The following GUCY1A2 variants were observed in gnomAD, a reference collection of about 807,000 sequenced individuals.
GUCY1A2 encodes the protein guanylate cyclase soluble subunit alpha-2.
Under a neutral mutation model 63.5 loss-of-function variants are expected in GUCY1A2, and 27 were observed. The ratio of observed to expected loss-of-function variants is 0.43; its 90% CI spans 0.31 to 0.59. The LOEUF is 0.59. GUCY1A2 is among the 20% of genes least tolerant of loss of function. The pLI is 0.11. For missense variants in GUCY1A2, 768 were observed against 913.3 expected (o/e 0.84, Z 2.05); for synonymous variants, 364 against 343.5 (o/e 1.06, Z -0.66).
At chr11:106,966,941 C>T (rs555262189) in intron 3 of GUCY1A2, among the ~76,000 whole-genome samples, 2 of 151,332 alleles carry the variant, frequency 1.3e-5, no homozygotes, top group African/African-American at 4.8e-5. Flanking sequence ...GTTATAGAAA[C>T]AAACCAAAAA....
chr11:106,791,458 C>G (rs1864658489), intron 5 of GUCY1A2, among the ~76,000 whole-genome samples: 1 of 138,310 alleles, frequency 7.2e-6, no homozygotes, highest in Admixed American at 7.6e-5. Context: ...TCACCTGATT[C>G]TGGTTCTTAT....
At chr11:106,742,092 T>G (rs78025898) in intron 6 of GUCY1A2, among the ~76,000 whole-genome samples, 1 of 152,250 alleles carries the variant, frequency 6.6e-6, no homozygotes, top group Non-Finnish European at 1.5e-5. Context: ...TGCCATTTTA[T>G]TCACAGTTCA....
Position 106,888,444 on chromosome 11 carries a change from G to A in GUCY1A2, c.1206+51016C>T, listed in dbSNP as rs187045331. Among the ~76,000 whole-genome samples the A allele has an allele frequency of 1.3e-3, 202 of 152,082 alleles. 1 individual carries two copies. The highest frequency in any genetic ancestry group is 4.6e-3 in the African/African-American group (189 of 41,508). Reference sequence around the variant, plus strand: ...CACTCCACTGCACTCCAGCCTGGGCGACAAAGCAAGATGCCATCTCAAAAA... The same window carrying A: ...CACTCCACTGCACTCCAGCCTGGGCAACAAAGCAAGATGCCATCTCAAAAA... On this transcript the variant is annotated intron_variant, in intron 4 of 7. Transcript: ENST00000526355.
intron 4 of GUCY1A2, among the ~76,000 whole-genome samples, chr11:106,909,421 T>C (rs1860262290): frequency 7.8e-6 from 1 of 128,232 alleles, no homozygotes; most frequent in Admixed American, 8.3e-5. Context: ...CTTTTTCATA[T>C]GTGTAGGTTT....
chr11:106,761,049 A>C (rs931669113), intron 6 of GUCY1A2, among the ~76,000 whole-genome samples: 2 of 152,158 alleles, frequency 1.3e-5, no homozygotes, highest in African/African-American at 4.8e-5. Context: ...ACACTTTCCA[A>C]ATTATACTTC....
chr11:106,936,671 C>A, intron 4 of GUCY1A2: 2 of 1,532,244 alleles, frequency 1.3e-6, no homozygotes, highest in Middle Eastern at 1.7e-4. Flanking sequence ...TGAATCCTGC[C>A]ACTGATAACT....
chr11:106,709,318 T>C (rs1193195033), intron 6 of GUCY1A2, among the ~76,000 whole-genome samples: 2 of 63,308 alleles, frequency 3.2e-5, no homozygotes, highest in African/African-American at 2.3e-4. Context: ...TATATATATT[T>C]ATATATATTA....
chr11:106,857,285 G>A (rs191956620), intron 4 of GUCY1A2, among the ~76,000 whole-genome samples: 116 of 152,184 alleles, frequency 7.6e-4, no homozygotes, highest in East Asian at 1.7e-3. Flanking sequence ...CTGTATCCTC[G>A]CATGACAGAA....
chr11:106,740,379 G>A (rs531098957), intron 6 of GUCY1A2, among the ~76,000 whole-genome samples: 35 of 152,158 alleles, frequency 2.3e-4, no homozygotes, highest in African/African-American at 8.4e-4. Flanking sequence ...CTGGTAAGAA[G>A]CTTAAAATAT....
chr11:106,839,054 A>G (rs953375297), intron 4 of GUCY1A2, among the ~76,000 whole-genome samples: 7 of 151,910 alleles, frequency 4.6e-5, no homozygotes, highest in Admixed American at 3.9e-4. Flanking sequence ...CCTTGCCCAT[A>G]CCTATGTCCT....
At chr11:107,016,462 T>G (rs932536037) in intron 1 of GUCY1A2, among the ~76,000 whole-genome samples, 2 of 152,174 alleles carry the variant, frequency 1.3e-5, no homozygotes, top group African/African-American at 4.8e-5. Context: ...AAGCCAAGGG[T>G]AGCTGAAATG....
intron 4 of GUCY1A2, among the ~76,000 whole-genome samples, chr11:106,889,130 G>T (rs1334878605): frequency 6.6e-6 from 1 of 152,048 alleles, no homozygotes; most frequent in Non-Finnish European, 1.5e-5. Context: ...ATGCCTCCAG[G>T]TTTCCACTTT....
intron 7 of GUCY1A2, among the ~76,000 whole-genome samples, chr11:106,689,664 A>G (rs1862587647): frequency 6.6e-6 from 1 of 152,156 alleles, no homozygotes; most frequent in Non-Finnish European, 1.5e-5. Flanking sequence ...CCACAATAAG[A>G]TACCATTTAA....
chr11:106,830,650 T>C (rs61902968), intron 4 of GUCY1A2, among the ~76,000 whole-genome samples: 3,491 of 152,336 alleles, frequency 0.023, 65 homozygotes, highest in Middle Eastern at 0.068. Context: ...TTCTTCAGCT[T>C]TGGGACTCAG....
At chr11:106,917,927 A>G (rs1860390007) in intron 4 of GUCY1A2, among the ~76,000 whole-genome samples, 1 of 142,606 alleles carries the variant, frequency 7.0e-6, no homozygotes, top group Non-Finnish European at 1.6e-5. Flanking sequence ...CAGGTACCCT[A>G]AAACTTAAAG....
chr11:106,774,350 C>T (rs762701230), intron 6 of GUCY1A2, among the ~76,000 whole-genome samples: 1 of 152,122 alleles, frequency 6.6e-6, no homozygotes, highest in Non-Finnish European at 1.5e-5. Context: ...CCAAACTGGT[C>T]TTGAACTCCT....
chr11:106,753,831 A>G (rs945070235), intron 6 of GUCY1A2, among the ~76,000 whole-genome samples: 1 of 152,044 alleles, frequency 6.6e-6, no homozygotes, highest in African/African-American at 2.4e-5. Context: ...TTGACTTGGA[A>G]ATGTGGGCTC....
At chr11:107,011,598 ATCTT>A (rs201469489) in intron 1 of GUCY1A2, among the ~76,000 whole-genome samples, 8,139 of 145,964 alleles carry the variant, frequency 0.056, 676 homozygotes, top group African/African-American at 0.19. Flanking sequence ...ATAAATATAT[ATCTT>A]TAATATATAT....
chr11:106,680,979 T>C lies in GUCY1A2; in HGVS notation c.*6570A>G, dbSNP rs1862422933. The C allele has an allele frequency of 4.9e-6, 1 of 203,738 alleles. No homozygotes were observed. The highest frequency in any genetic ancestry group is 2.3e-5 in the African/African-American group (1 of 43,708). The allele number at this position is 203,738 out of a possible 1,614,324, so 12.6% of individuals were successfully genotyped here. On this transcript the variant is annotated 3_prime_UTR_variant, in exon 8 of 8. Coordinates refer to ENST00000526355, the MANE Select transcript of GUCY1A2 (RefSeq NM_000855.3). ...ATTTACTAGTTGATTTTAGCTGTAA[T>C]CCTTATACATTATTCTAAATGATGA...
Sources: allele counts gnomAD v4.1 joint callset (sites outside exome capture counted in the v4.1 genomes callset), GRCh38; gene constraint gnomAD v4.1.1; transcripts MANE v1.5; gene names NCBI Gene and HGNC (gene_info 2026-07-23, HGNC 2026-07-21).